MICAL3: variants seen among roughly 807,000 people sequenced by gnomAD.
The protein encoded by MICAL3 is microtubule associated monooxygenase, calponin and LIM domain containing 3.
In MICAL3, 62 loss-of-function variants were observed where a neutral mutation model predicts 207.4. The observed-to-expected ratio is 0.30, with a 90% CI of 0.24 to 0.37. The LOEUF (loss-of-function observed/expected upper bound fraction) is 0.37. Among genes scored for constraint, MICAL3 ranks in the 10% least tolerant of loss-of-function variants. The pLI, the probability that MICAL3 is intolerant of heterozygous loss-of-function variation, is 1.00. For missense variants in MICAL3, 2,368 were observed against 2,635.6 expected, an observed-to-expected ratio of 0.90 and a Z score of 2.22; for synonymous variants, 1,077 against 1,069.3, an observed-to-expected ratio of 1.01 and a Z score of -0.14.
intron 1 of MICAL3, among the ~76,000 whole-genome samples, chr22:17,915,471 G>A (rs1932437591): frequency 1.3e-5 from 2 of 152,206 alleles, no homozygotes. Flanking sequence ...TGGGAAACAT[G>A]CAAGGTCCTA....
intron 1 of MICAL3, among the ~76,000 whole-genome samples, chr22:18,017,949 A>G (rs2146513517): frequency 6.6e-6 from 1 of 151,728 alleles, no homozygotes; most frequent in South Asian, 2.1e-4. Context: ...ATGAGGTTTC[A>G]CCATGTTAGC....
chr22:17,861,029 C>G (rs1926465345), intron 19 of MICAL3: 3 of 985,290 alleles, frequency 3.0e-6, no homozygotes, highest in Admixed American at 6.1e-5. Flanking sequence ...ATTCACACAT[C>G]ACCGTCAGCT....
intron 17 of MICAL3, among the ~76,000 whole-genome samples, chr22:17,869,168 C>T (rs775286704): frequency 3.9e-5 from 6 of 152,102 alleles, no homozygotes; most frequent in Non-Finnish European, 5.9e-5. Flanking sequence ...GGGCAGCTGA[C>T]GGCAGAGGCT....
intron 12 of MICAL3, 94 bp downstream of exon 12, chr22:17,891,391 C>A: frequency 8.7e-7 from 1 of 1,143,534 alleles, no homozygotes; most frequent in East Asian, 2.4e-5. Flanking sequence ...CTATGTACCT[C>A]ATTCTAGGAA....
At chr22:18,006,152 C>G (rs1602392447) in intron 1 of MICAL3, 1 of 152,214 alleles carries the variant, frequency 6.6e-6, no homozygotes, top group South Asian at 2.1e-4. Context: ...ATTTATTGGG[C>G]ACCCACTACA....
At chr22:17,881,490 T>C (rs1178492746) in intron 16 of MICAL3, among the ~76,000 whole-genome samples, 3 of 152,134 alleles carry the variant, frequency 2.0e-5, no homozygotes, top group East Asian at 1.9e-4. Flanking sequence ...CACCTTCTGA[T>C]AGGCACAGCC....
In MICAL3 at chr22:17,818,844, G is replaced by C; in HGVS notation, c.3817C>G (p.Pro1273Ala). 1.3e-6 allele frequency: 2 copies of C among 1,552,644 alleles called. No individual in the cohort carries two copies. The highest frequency in any genetic ancestry group is 8.7e-7 in the Non-Finnish European group (1 of 1,146,496). ...CGTATGGGGGACTGGGTAGGGGATG[G>C]GACAGTGGCCTCGGTGGAAGGCTGG... ...QPQPSTEATV[P>A]SPTQSPIRFQ... The change falls in exon 26 of 32, where the codon CCA becomes GCA. Residue 1273 changes from proline to alanine, a missense_variant. Pro to Ala is a conservative substitution (Grantham distance 27). Transcript: ENST00000441493.
At chr22:18,001,700 G>A (rs1923032484) in intron 1 of MICAL3, among the ~76,000 whole-genome samples, 1 of 152,252 alleles carries the variant, frequency 6.6e-6, no homozygotes, top group Non-Finnish European at 1.5e-5. Flanking sequence ...AAAAGGCAAA[G>A]AAATAAGCTG....
rs1402840248 is a variant in MICAL3 at position 17,796,942 on chromosome 22, G to A, written c.5651-5641C>T. Among the ~76,000 whole-genome samples, 1 of 151,634 alleles carries A rather than the reference G, an allele frequency of 6.6e-6. No homozygotes were observed. Among genetic ancestry groups the A allele is most frequent in the African/African-American group, 2.4e-5 (1 of 41,220 alleles). ...GGGGGAAAGAGTGGCCAGCTGTAGG[G>A]CAGGTCCCCTTCTCTGTACTTGTAC... is the stretch of plus-strand genomic sequence containing the variant. On this transcript the variant is annotated intron_variant, in intron 29 of 31. Coordinates refer to ENST00000441493, the MANE Select transcript of MICAL3 (RefSeq NM_015241.3). The surrounding 1 kb of genome is among the most constrained non-coding windows in gnomAD (Gnocchi z 4.4).
chr22:17,809,476 A>C (rs387641), intron 28 of MICAL3, among the ~76,000 whole-genome samples: 53,120 of 152,070 alleles, frequency 0.35, 9,842 homozygotes, highest in African/African-American at 0.48. Flanking sequence ...TCTACTAAAA[A>C]TACAAAAATT....
intron 19 of MICAL3, among the ~76,000 whole-genome samples, chr22:17,849,690 T>G (rs1298599949): frequency 5.0e-4 from 33 of 66,618 alleles, no homozygotes; most frequent in African/African-American, 1.1e-3. Context: ...GTGTGTGTAT[T>G]TTTTTTTTTT....
At chr22:17,837,850 A>ATTTGT (rs1923566477) in intron 20 of MICAL3, among the ~76,000 whole-genome samples, 2 of 152,224 alleles carry the variant, frequency 1.3e-5, no homozygotes, top group South Asian at 4.2e-4. Context: ...TAGAAGTTAC[A>ATTTGT]TTTGTTTTGT....
In MICAL3 at chr22:17,857,020, T is replaced by C. The variant is rs549518272; in HGVS notation, c.2605+7879A>G. ...CTGGTCTCACTGTAACCTGGTCTTT[T>C]TAGAGTCTTAGTTCTGGGGAACAGG... is the stretch of plus-strand genomic sequence containing the variant. On this transcript the variant is annotated intron_variant, in intron 19 of 31. Coordinates refer to ENST00000441493, the MANE Select transcript of MICAL3 (RefSeq NM_015241.3). Among the ~76,000 whole-genome samples, 6 of 152,350 alleles carry C rather than the reference T, an allele frequency of 3.9e-5. No individual in the cohort carries two copies. The South Asian group carries it at 1.2e-3, about 32-fold the overall frequency.
intron 1 of MICAL3, among the ~76,000 whole-genome samples, chr22:18,011,683 A>G (rs1923743122): frequency 6.6e-6 from 1 of 151,716 alleles, no homozygotes; most frequent in Non-Finnish European, 1.5e-5. Flanking sequence ...ATCCTGGCTA[A>G]CACGGTAAAA....
chr22:17,811,452 G>A (rs1430368295), intron 27 of MICAL3: 1 of 152,466 alleles, frequency 6.6e-6, no homozygotes, highest in Non-Finnish European at 1.5e-5. Context: ...AGGTGAACCT[G>A]GACTGACTCT....
chr22:17,895,656 T>C (rs1383733400), intron 9 of MICAL3, among the ~76,000 whole-genome samples: 2 of 151,950 alleles, frequency 1.3e-5, no homozygotes, highest in East Asian at 3.9e-4. Context: ...CGCCCACAGA[T>C]GCTGCCTCCA....
chr22:17,837,559 A>G (rs1923530014), intron 20 of MICAL3, among the ~76,000 whole-genome samples: 1 of 152,196 alleles, frequency 6.6e-6, no homozygotes, highest in Non-Finnish European at 1.5e-5. Flanking sequence ...AAACATCACA[A>G]AGCCAGCCCT....
chr22:17,872,738 G>A (rs535213744), intron 16 of MICAL3: 155 of 1,561,822 alleles, frequency 9.9e-5, no homozygotes, highest in Admixed American at 3.8e-4. Context: ...GCCTGGAGGC[G>A]TCTCTTACCA....
Position 17,906,193 on chromosome 22 carries a change from G to A in MICAL3, c.264+356C>T, listed in dbSNP as rs528678670. ...TGACTTTGGTTGTTCTTAAATACTTGAAACTTTGAACGCTCAATATGTAAA... is the reference window on the plus strand; with the variant it reads ...TGACTTTGGTTGTTCTTAAATACTTAAAACTTTGAACGCTCAATATGTAAA... On this transcript the variant is annotated intron_variant, in intron 2 of 31. Coordinates refer to ENST00000441493, the MANE Select transcript of MICAL3 (RefSeq NM_015241.3). 8.5e-5 allele frequency among the ~76,000 whole-genome samples: 13 copies of A among 152,334 alleles called. No individual in the cohort carries two copies. In the East Asian group the frequency reaches 2.3e-3, roughly 27 times the overall value.
Sources: gnomAD v4.1 joint callset for allele counts (sites outside exome capture counted in the v4.1 genomes callset) on GRCh38, gnomAD v4.1.1 for gene constraint, Gnocchi (gnomAD v3.1) non-coding constraint, MANE v1.5 for transcripts, NCBI Gene and HGNC (gene_info 2026-07-23, HGNC 2026-07-21) for gene names.